Variants in UBXN8 observed in about 807,000 individuals in gnomAD.
UBXN8 encodes UBX domain protein 8, also known as UBX domain-containing protein 8.
UBXN8 carries 27 observed loss-of-function variants against 32.1 expected under a neutral mutation model. The observed-to-expected ratio is 0.84, with a 90% CI of 0.62 to 1.16. The LOEUF (loss-of-function observed/expected upper bound fraction) is 1.16, where lower values mean the gene tolerates loss of function less well. UBXN8 is among the 50% of genes most tolerant of loss of function. The pLI is 0.00. For synonymous variants in UBXN8, 109 were observed against 111.8 expected (o/e 0.98, Z 0.16); for missense variants, 306 against 311.4 (o/e 0.98, Z 0.13).
chr8:30,759,483 C>A (rs572218953), intron 5 of UBXN8, among the ~76,000 whole-genome samples: 1 of 151,784 alleles, frequency 6.6e-6, no homozygotes, highest in Non-Finnish European at 1.5e-5. Flanking sequence ...GATCTGCCTG[C>A]CTCAGCCCCC....
At chr8:30,731,434 A>G (rs1436014751), upstream of UBXN8, among the ~76,000 whole-genome samples, 1 of 152,170 alleles carries the variant, frequency 6.6e-6, no homozygotes, top group Non-Finnish European at 1.5e-5. Context: ...GAAGACATAA[A>G]GTGATTCATC....
upstream of UBXN8, among the ~76,000 whole-genome samples, chr8:30,740,654 G>T (rs1159757130): frequency 6.6e-6 from 1 of 151,768 alleles, no homozygotes; most frequent in African/African-American, 2.4e-5. Context: ...GAGCCCAGGG[G>T]TTCCAGGCTG....
intron 7 of UBXN8, 72 bp downstream of exon 7, chr8:30,763,419 G>T (rs1456565657): frequency 2.1e-6 from 3 of 1,419,208 alleles, no homozygotes; most frequent in Non-Finnish European, 3.0e-6. Context: ...CATGCCGTGG[G>T]GGAAGGTGTG....
intron 4 of UBXN8, among the ~76,000 whole-genome samples, chr8:30,755,460 G>A (rs944620524): frequency 1.3e-5 from 2 of 152,006 alleles, no homozygotes; most frequent in African/African-American, 4.8e-5. Context: ...CATATAACTT[G>A]GTTCCTTAAA....
chr8:30,764,511 C>G (rs1014824970), intron 7 of UBXN8, among the ~76,000 whole-genome samples: 9 of 152,020 alleles, frequency 5.9e-5, no homozygotes, highest in Non-Finnish European at 1.3e-4. Flanking sequence ...TTATAAGGAA[C>G]TTAAATCAAG....
chr8:30,729,286 A>C (rs1804894622), upstream of UBXN8, among the ~76,000 whole-genome samples: 1 of 152,234 alleles, frequency 6.6e-6, no homozygotes, highest in South Asian at 2.1e-4. Context: ...GTGGAGTATC[A>C]ACGCAGTGGC....
chr8:30,761,330 C>T (rs533271653), intron 6 of UBXN8, among the ~76,000 whole-genome samples: 7 of 152,070 alleles, frequency 4.6e-5, no homozygotes, highest in South Asian at 4.2e-4. Flanking sequence ...CTGCAGCGTC[C>T]GCCTCCTGAG....
intron 5 of UBXN8, among the ~76,000 whole-genome samples, chr8:30,757,168 A>T (rs1189479954): frequency 2.6e-5 from 4 of 152,086 alleles, no homozygotes; most frequent in Non-Finnish European, 5.9e-5. Flanking sequence ...AAAAAAAAAA[A>T]AAAAGAATAA....
intron 4 of UBXN8, 117 bp downstream of exon 4, chr8:30,754,904 T>C (rs1805612253): frequency 7.5e-7 from 1 of 1,330,650 alleles, no homozygotes; most frequent in Non-Finnish European, 9.9e-7. Flanking sequence ...TTGATAATGA[T>C]TATCAGTTTT....
At chr8:30,763,093 G>C in intron 6 of UBXN8, 180 bp from the exon 7 acceptor site, 1 of 595,132 alleles carries the variant, frequency 1.7e-6, no homozygotes, top group Non-Finnish European at 2.9e-6. Context: ...TGGTCTGCCT[G>C]TCTCAGCCTC....
chr8:30,763,072 C>T, intron 6 of UBXN8: 1 of 546,734 alleles, frequency 1.8e-6, no homozygotes, highest in South Asian at 2.3e-5. Context: ...TCTCAAACTC[C>T]TGGCCTCAAG....
chr8:30,751,540 C>A lies in UBXN8; in HGVS notation c.211+22C>A, dbSNP rs1482951586. 3.2e-6 allele frequency: 5 copies of A among 1,554,378 alleles called. 1 individual carries two copies. In the African/African-American group the frequency reaches 4.2e-5, roughly 13 times the overall value. On this transcript the variant is annotated intron_variant, in intron 2 of 7. Coordinates refer to ENST00000265616, the MANE Select transcript of UBXN8 (RefSeq NM_005671.4). Reference sequence around the variant, plus strand: ...AAGGGTAAGTTTATTATTTATTCTACCCTTTTATACCATTCTACTCAAATT... The same window carrying A: ...AAGGGTAAGTTTATTATTTATTCTAACCTTTTATACCATTCTACTCAAATT...
rs563254182 is a variant in UBXN8 at position 30,734,808 on chromosome 8, G to A, written c.622+1500G>A. On this transcript the variant is annotated intron_variant, in intron 1 of 1. Coordinates refer to the UBXN8 transcript ENST00000522968. The stretch of plus-strand genomic sequence containing the variant: ...AAAAATTAAAAATTAGTCAGGTGTG[G>A]TGGTGCACACCTGTAGCCCCAGCTA... 2.6e-5 allele frequency among the ~76,000 whole-genome samples: 4 copies of A among 152,128 alleles called. No homozygotes were observed. In the South Asian group the frequency reaches 8.3e-4, roughly 32 times the overall value.
chr8:30,747,898 T>TC (rs1805409218), intron 1 of UBXN8, among the ~76,000 whole-genome samples: 1 of 111,250 alleles, frequency 9.0e-6, no homozygotes, highest in African/African-American at 4.5e-5. Context: ...TTTTTTCTTT[T>TC]TTTTTTTTTT....
chr8:30,741,361 G>A (rs912822228), upstream of UBXN8, among the ~76,000 whole-genome samples: 1 of 151,908 alleles, frequency 6.6e-6, no homozygotes, highest in African/African-American at 2.4e-5. Flanking sequence ...ACTCCAGCCT[G>A]TGTGACAGAG....
chr8:30,750,094 T>G lies in UBXN8; in HGVS notation c.89-1302T>G, dbSNP rs147479527. Among the ~76,000 whole-genome samples, 587 of 152,000 alleles carry G rather than the reference T, an allele frequency of 3.9e-3. 2 individuals carry two copies. The highest frequency in any genetic ancestry group is 0.013 in the African/African-American group (538 of 41,486). ...TTCTGGAAATGACAACCATCATGAG[T>G]TTTTTAATGCCCAAAGGAGAGTACA... On this transcript the variant is annotated intron_variant, in intron 1 of 7. Coordinates refer to ENST00000265616, the MANE Select transcript of UBXN8 (RefSeq NM_005671.4).
At chr8:30,742,529 G>C (rs1442463929), upstream of UBXN8, among the ~76,000 whole-genome samples, 1 of 150,664 alleles carries the variant, frequency 6.6e-6, no homozygotes, top group Non-Finnish European at 1.5e-5. Context: ...TTTTTTTTTA[G>C]ACAGGTTTAG....
chr8:30,749,210 G>A lies in UBXN8; in HGVS notation c.89-2186G>A, dbSNP rs535940249. 5.9e-5 allele frequency among the ~76,000 whole-genome samples: 9 copies of A among 151,892 alleles called. No individual in the cohort carries two copies. In the South Asian group the frequency reaches 1.2e-3, roughly 21 times the overall value. The stretch of plus-strand genomic sequence containing the variant: ...GGAGTTTGAGACCAGCCTGTCCAAC[G>A]TGGTGAAACCCCATCTCTACTGAAA... On this transcript the variant is annotated intron_variant, in intron 1 of 7. Transcript: ENST00000265616.
intron 1 of UBXN8, among the ~76,000 whole-genome samples, chr8:30,751,192 T>A (rs1307089115): frequency 6.6e-6 from 1 of 152,168 alleles, no homozygotes; most frequent in East Asian, 1.9e-4. Context: ...AATCTTCTAA[T>A]GTGTTATAAT....
Sources: allele counts gnomAD v4.1 joint callset (sites outside exome capture counted in the v4.1 genomes callset), GRCh38; gene constraint gnomAD v4.1.1; transcripts MANE v1.5; gene names NCBI Gene and HGNC (gene_info 2026-07-23, HGNC 2026-07-21).